Variants in MYZAP observed in about 807,000 individuals in gnomAD.
MYZAP encodes the protein GRINL1A complex locus upstream.
A neutral mutation model predicts 69.4 loss-of-function variants in MYZAP; 66 were observed. The observed-to-expected ratio is 0.95, with a 90% CI of 0.78 to 1.17. MYZAP has a LOEUF of 1.17. MYZAP is among the 50% of genes most tolerant of loss of function. The probability of loss-of-function intolerance (pLI) is 0.00; values close to 1 mark genes in which losing one functional copy is unlikely to be tolerated. For missense variants in MYZAP, 611 were observed against 556.2 expected (o/e 1.10, Z -0.99); for synonymous variants, 256 against 205.9 (o/e 1.24, Z -2.09).
intron 3 of MYZAP, among the ~76,000 whole-genome samples, chr15:57,618,602 T>C (rs1243872369): frequency 1.3e-5 from 2 of 152,212 alleles, no homozygotes; most frequent in Admixed American, 6.5e-5. Context: ...ACAATAGACT[T>C]TGTCCAACCA....
chr15:57,668,315 C>T (rs1362778198), intron 11 of MYZAP, among the ~76,000 whole-genome samples: 2 of 152,146 alleles, frequency 1.3e-5, no homozygotes, highest in Admixed American at 1.3e-4. Flanking sequence ...AGTGGAATAG[C>T]TGGGTCGTAA....
intron 12 of MYZAP, among the ~76,000 whole-genome samples, 163 bp downstream of exon 12, chr15:57,675,231 C>G (rs2039060289): frequency 6.6e-6 from 1 of 152,114 alleles, no homozygotes; most frequent in Non-Finnish European, 1.5e-5. Context: ...TCTGTAGGAA[C>G]AGGGGCATTG....
intron 5 of MYZAP, 125 bp downstream of exon 5, chr15:57,626,017 C>A: frequency 2.4e-6 from 2 of 834,044 alleles, no homozygotes; most frequent in Non-Finnish European, 3.9e-6. Flanking sequence ...TAAGCAGAAC[C>A]ACTGTGAAGA....
At chr15:57,626,490 G>A (rs528190287) in intron 5 of MYZAP, among the ~76,000 whole-genome samples, 2 of 152,314 alleles carry the variant, frequency 1.3e-5, no homozygotes, top group East Asian at 3.9e-4. Context: ...GTTTACAGGA[G>A]CTAACCCTTC....
At chr15:57,624,078 CTT>C (rs2035982256) in intron 4 of MYZAP, among the ~76,000 whole-genome samples, 1 of 152,078 alleles carries the variant, frequency 6.6e-6, no homozygotes, top group African/African-American at 2.4e-5. Flanking sequence ...ATAAAAGTAA[CTT>C]TATACTTTTG....
At chr15:57,633,407 C>A (rs1170356990) in intron 7 of MYZAP, among the ~76,000 whole-genome samples, 1 of 152,092 alleles carries the variant, frequency 6.6e-6, no homozygotes, top group Non-Finnish European at 1.5e-5. Context: ...TGTAGTGAGG[C>A]CCATTAACCA....
chr15:57,663,247 C>T (rs976669123), intron 11 of MYZAP, among the ~76,000 whole-genome samples: 3 of 151,430 alleles, frequency 2.0e-5, no homozygotes, highest in Non-Finnish European at 4.4e-5. Context: ...AGCAAGCTCT[C>T]CTACTGGTAG....
At chr15:57,643,612 C>A (rs781228538) in intron 10 of MYZAP, among the ~76,000 whole-genome samples, 2 of 152,158 alleles carry the variant, frequency 1.3e-5, no homozygotes, top group African/African-American at 4.8e-5. Flanking sequence ...GCTCTCCTGC[C>A]AAGGGGAAAG....
At chr15:57,673,455 CGTGCATGCGTGTGTGTGT>C (rs2038965851) in intron 11 of MYZAP, among the ~76,000 whole-genome samples, 1 of 137,488 alleles carries the variant, frequency 7.3e-6, no homozygotes, top group African/African-American at 2.8e-5. Context: ...TGTGCGCATG[CGTGCATGCGTGTGTGTGT>C]GTGTGTGTGT....
chr15:57,593,181 C>T (rs1255870137), intron 1 of MYZAP, among the ~76,000 whole-genome samples: 3 of 124,582 alleles, frequency 2.4e-5, no homozygotes, highest in African/African-American at 7.0e-5. Context: ...AGGTTGTGTA[C>T]ACAGGCGCAC....
At chr15:57,628,368 C>T (rs2036284042) in intron 5 of MYZAP, among the ~76,000 whole-genome samples, 1 of 152,084 alleles carries the variant, frequency 6.6e-6, no homozygotes, top group Non-Finnish European at 1.5e-5. Context: ...CTCCTAGGCT[C>T]AAGTGATCCT....
intron 1 of MYZAP, chr15:57,599,780 G>C: frequency 1.8e-6 from 2 of 1,118,526 alleles, no homozygotes; most frequent in Non-Finnish European, 1.2e-6. Context: ...AATGGAGGGA[G>C]GTAGACTGTA....
chr15:57,684,253 G>A (rs2039582435), intron 12 of MYZAP, 149 bp from the exon 13 acceptor site: 4 of 608,890 alleles, frequency 6.6e-6, no homozygotes, highest in Non-Finnish European at 1.2e-5. Context: ...GGGCCTGTTT[G>A]TAATATTTAA....
At chr15:57,639,129 A>G (rs2036980733) in intron 9 of MYZAP, among the ~76,000 whole-genome samples, 2 of 152,228 alleles carry the variant, frequency 1.3e-5, no homozygotes, top group African/African-American at 4.8e-5. Flanking sequence ...TGTTCTTGGA[A>G]GCATTTTTAA....
intron 4 of MYZAP, among the ~76,000 whole-genome samples, chr15:57,622,933 C>T (rs1171751299): frequency 6.6e-6 from 1 of 152,108 alleles, no homozygotes; most frequent in Non-Finnish European, 1.5e-5. Flanking sequence ...ATTTGTCCTT[C>T]GTATCACACA....
intron 5 of MYZAP, among the ~76,000 whole-genome samples, chr15:57,629,088 C>CA (rs1274144448): frequency 0.015 from 1,776 of 115,084 alleles, 14 homozygotes; most frequent in South Asian, 0.048. Flanking sequence ...GTCTCAAAAA[C>CA]AAAAAAAAAA....
At chr15:57,643,290 T>C (rs1272675191) in intron 10 of MYZAP, among the ~76,000 whole-genome samples, 2 of 152,202 alleles carry the variant, frequency 1.3e-5, no homozygotes, top group African/African-American at 4.8e-5. Context: ...CAAGCAGACA[T>C]GGGCCGTGCT....
At position 57,643,067 on chromosome 15, in the gene MYZAP, C is replaced by T. The variant is rs541745351; in HGVS notation, c.1119+3522C>T. On this transcript the variant is annotated intron_variant, in intron 10 of 12. Coordinates refer to ENST00000267853, the MANE Select transcript of MYZAP (RefSeq NM_001018100.5). Reference sequence around the variant, plus strand: ...ATGTCAGGGGGTTGGGTATCTCCCCCATCACTAGTTCTTCCAGCTGATTCT... The same window carrying T: ...ATGTCAGGGGGTTGGGTATCTCCCCTATCACTAGTTCTTCCAGCTGATTCT... Among the ~76,000 whole-genome samples the T allele has an allele frequency of 1.0e-3, 159 of 152,274 alleles. 1 individual carries two copies. The highest frequency in any genetic ancestry group is 3.6e-3 in the African/African-American group (151 of 41,544).
Position 57,621,631 on chromosome 15 carries a change from G to A in MYZAP, c.342G>A (p.Val114=), listed in dbSNP as rs1567210877. 1 of 1,613,838 alleles carries A rather than the reference G, an allele frequency of 6.2e-7. No individual in the cohort carries two copies. The highest frequency in any genetic ancestry group is 1.3e-5 in the African/African-American group (1 of 75,020). ...AGGTGAGAGCCACTTTGGAAAAGGT[G>A]AGAAAGCGAATGTATGGAGACTATG... is the stretch of plus-strand genomic sequence containing the variant. ...IKDVRATLEK[V]RKRMYGDYDE... The change falls in exon 4 of 13, where the codon GTG becomes GTA. Residue 114 remains valine (V), a synonymous_variant. Transcript: ENST00000267853.
Sources: gnomAD v4.1 joint callset for allele counts (sites outside exome capture counted in the v4.1 genomes callset) on GRCh38, gnomAD v4.1.1 for gene constraint, MANE v1.5 for transcripts, NCBI Gene and HGNC (gene_info 2026-07-23, HGNC 2026-07-21) for gene names.